MYO19: variants seen among roughly 807,000 people sequenced by gnomAD.
MYO19 encodes unconventional myosin-XIX.
In MYO19, 132 loss-of-function variants were observed where a neutral mutation model predicts 129.2. The ratio of observed to expected loss-of-function variants is 1.02; its 90% CI spans 0.89 to 1.18. MYO19 has a LOEUF of 1.18. MYO19 is among the 50% of genes most tolerant of loss of function. MYO19 has a pLI of 0.00. For synonymous variants in MYO19, 531 were observed against 477.2 expected, an observed-to-expected ratio of 1.11 and a Z score of -1.47; for missense variants, 1,210 against 1,216.7, an observed-to-expected ratio of 0.99 and a Z score of 0.08.
chr17:36,497,321 A>G (rs1458218483), intron 25 of MYO19, among the ~76,000 whole-genome samples: 1 of 106,332 alleles, frequency 9.4e-6, no homozygotes, highest in Non-Finnish European at 1.9e-5. Context: ...AAATAACATG[A>G]AAAAAAAAAA....
chr17:36,496,132 A>G lies in MYO19; in HGVS notation c.*119T>C, dbSNP rs1045677195. ...CTCTGGGTCGAAGGCTGGAGCCGTC[A>G]CTGTTGTTCATGTGCATTTGGAGCA... On this transcript the variant is annotated 3_prime_UTR_variant, in exon 26 of 26. Transcript: ENST00000614623. 2.9e-6 allele frequency: 4 copies of G among 1,361,294 alleles called. No individual in the cohort carries two copies. The highest frequency in any genetic ancestry group is 3.8e-5 in the Admixed American group (2 of 51,972). The allele number at this position is 1,361,294 out of a possible 1,614,324, so 84.3% of individuals were successfully genotyped here.
At chr17:36,537,720 T>C, upstream of MYO19, 1 of 1,614,118 alleles carries the variant, frequency 6.2e-7, no homozygotes, top group Non-Finnish European at 8.5e-7. Flanking sequence ...GTACTCTGTT[T>C]GGCCATTAGT....
At chr17:36,503,709 T>A (rs1167796895) in intron 20 of MYO19, among the ~76,000 whole-genome samples, 3 of 152,218 alleles carry the variant, frequency 2.0e-5, no homozygotes, top group African/African-American at 7.2e-5. Flanking sequence ...CTGGCTTCTG[T>A]CCCCAACATT....
intron 6 of MYO19, 29 bp from the exon 7 acceptor site, chr17:36,516,019 G>GT: frequency 6.3e-7 from 1 of 1,590,956 alleles, no homozygotes; most frequent in Non-Finnish European, 8.6e-7. Context: ...TGTGGGAGCT[G>GT]TATCTATGCT....
chr17:36,505,249 G>A, intron 19 of MYO19, 48 bp downstream of exon 19: 1 of 1,517,140 alleles, frequency 6.6e-7, no homozygotes, highest in Non-Finnish European at 9.2e-7. Context: ...CCAGGGCCTT[G>A]GCCAGATGGG....
At chr17:36,532,809 G>A in intron 2 of MYO19, 128 bp from the exon 3 acceptor site, 1 of 563,184 alleles carries the variant, frequency 1.8e-6, no homozygotes. Context: ...CGGAGAGTGG[G>A]CCTGTCCTTT....
Position 36,499,436 on chromosome 17 carries a change from G to A in MYO19, c.2378-276C>T, listed in dbSNP as rs568469644. 8.7e-4 allele frequency: 260 copies of A among 297,742 alleles called. 1 individual carries two copies. Among genetic ancestry groups the A allele is most frequent in the Non-Finnish European group, 1.3e-3 (189 of 148,290 alleles). The allele number at this position is 297,742 out of a possible 1,614,324, so 18.4% of individuals were successfully genotyped here. ...GCTGAGGGCCCAGCAATCACTTCCC[G>A]TCTCAGGCTGGGTCCAGGTCAGCAC... On this transcript the variant is annotated intron_variant, in intron 23 of 25. Coordinates refer to ENST00000614623, the MANE Select transcript of MYO19 (RefSeq NM_001163735.2).
chr17:36,514,553 GAC>G lies in MYO19; in HGVS notation c.618-7_618-6del, dbSNP rs1389885557. The G allele has an allele frequency of 6.9e-6, 11 of 1,595,498 alleles. No homozygotes were observed. Among genetic ancestry groups the G allele is most frequent in the African/African-American group, 1.3e-5 (1 of 74,580 alleles). On this transcript the variant is annotated splice_region_variant and splice_polypyrimidine_tract_variant and intron_variant, in intron 8 of 25. Transcript: ENST00000614623. ...GCTCCAGTCATTTGCTGAGCCCTGGGACACACACAGGCCAGAGCCCGTTAGTT... is the reference window on the plus strand; with the variant it reads ...GCTCCAGTCATTTGCTGAGCCCTGGGACACACAGGCCAGAGCCCGTTAGTT...
chr17:36,527,987 G>C, intron 4 of MYO19, 77 bp downstream of exon 4: 1 of 1,552,022 alleles, frequency 6.4e-7, no homozygotes, highest in Non-Finnish European at 8.8e-7. Flanking sequence ...GTCTGACCTG[G>C]AGAAGCTGTG....
intron 25 of MYO19, among the ~76,000 whole-genome samples, chr17:36,497,155 C>A (rs1367740237): frequency 1.3e-5 from 2 of 149,302 alleles, no homozygotes; most frequent in African/African-American, 4.9e-5. Flanking sequence ...TATGGCGAAA[C>A]CCCGTCTCTA....
intron 2 of MYO19, among the ~76,000 whole-genome samples, chr17:36,541,025 G>A (rs985580281): frequency 6.6e-6 from 1 of 151,692 alleles, no homozygotes; most frequent in Non-Finnish European, 1.5e-5. Context: ...GTCTTGCTCT[G>A]TTACCCAGGC....
chr17:36,495,855 G>T lies in MYO19; in HGVS notation c.*396C>A. The T allele has an allele frequency of 8.1e-7, 1 of 1,240,306 alleles. No individual in the cohort carries two copies. The highest frequency in any genetic ancestry group is 1.5e-5 in the African/African-American group (1 of 64,658). 76.8% of individuals were successfully genotyped at this position (1,240,306 alleles called of 1,614,324 possible). On this transcript the variant is annotated 3_prime_UTR_variant, in exon 26 of 26. Coordinates refer to ENST00000614623, the MANE Select transcript of MYO19 (RefSeq NM_001163735.2). Reference sequence around the variant, plus strand: ...TCCTTTTTAAAGGAAATAACCACAAGATTTTTCCCAGCCCAAATTCCAGCG... The same window carrying T: ...TCCTTTTTAAAGGAAATAACCACAATATTTTTCCCAGCCCAAATTCCAGCG...
chr17:36,523,391 A>G (rs184034543), intron 6 of MYO19, among the ~76,000 whole-genome samples: 16 of 152,268 alleles, frequency 1.1e-4, no homozygotes, highest in Admixed American at 5.9e-4. Flanking sequence ...GGTATCTCCA[A>G]TGAAAGAAGC....
At position 36,495,718 on chromosome 17, in the gene MYO19, TGGTC is replaced by T; in HGVS notation, c.*529_*532del. Reference sequence around the variant, plus strand: ...CTTACACTTCATATGGAGTTAAACTTGGTCAGTGTTAATAAAATCAAAACGTGAT... The same window carrying T: ...CTTACACTTCATATGGAGTTAAACTTAGTGTTAATAAAATCAAAACGTGAT... On this transcript the variant is annotated 3_prime_UTR_variant, in exon 26 of 26. Transcript: ENST00000614623. 1.6e-6 allele frequency: 2 copies of T among 1,250,650 alleles called. No individual in the cohort carries two copies. Among genetic ancestry groups the T allele is most frequent in the Non-Finnish European group, 2.0e-6 (2 of 999,092 alleles). The allele number at this position is 1,250,650 out of a possible 1,614,324, so 77.5% of individuals were successfully genotyped here.
At chr17:36,499,284 A>C (rs2071288033) in intron 23 of MYO19, 124 bp from the exon 24 acceptor site, 1 of 620,850 alleles carries the variant, frequency 1.6e-6, no homozygotes, top group Non-Finnish European at 2.8e-6. Flanking sequence ...TTTTTCAATA[A>C]ATTGCTACAA....
chr17:36,512,739 T>G (rs1208951028), intron 11 of MYO19: 1 of 1,289,096 alleles, frequency 7.8e-7, no homozygotes. Context: ...GGCCTCCCTT[T>G]CTCGACTGCC....
chr17:36,512,889 G>T, intron 11 of MYO19: 1 of 1,119,366 alleles, frequency 8.9e-7, no homozygotes, highest in Non-Finnish European at 1.1e-6. Flanking sequence ...GCAGTCTCAT[G>T]TTCCAGAGGA....
chr17:36,501,663 C>G (rs1210895776), intron 21 of MYO19: 1 of 161,444 alleles, frequency 6.2e-6, no homozygotes. Context: ...GCCCCGACCC[C>G]TCAACTCCCC....
chr17:36,502,372 C>CT (rs1393443865), intron 21 of MYO19, among the ~76,000 whole-genome samples: 1 of 152,194 alleles, frequency 6.6e-6, no homozygotes, highest in Non-Finnish European at 1.5e-5. Context: ...CCCTGAACCT[C>CT]TTTTCCTCTT....
Sources: gnomAD v4.1 joint callset for allele counts (sites outside exome capture counted in the v4.1 genomes callset) on GRCh38, gnomAD v4.1.1 for gene constraint, MANE v1.5 for transcripts, NCBI Gene and HGNC (gene_info 2026-07-23, HGNC 2026-07-21) for gene names.